Variants in PLCB1 observed in about 807,000 individuals in gnomAD.
The protein encoded by PLCB1 is 1-phosphatidylinositol 4,5-bisphosphate phosphodiesterase beta-1.
Under a neutral mutation model 161.8 loss-of-function variants are expected in PLCB1, and 46 were observed. That is an observed-to-expected ratio of 0.28 (90% confidence interval 0.22 to 0.36). PLCB1 has a LOEUF of 0.36. Ranked by LOEUF, PLCB1 falls within the 10% of genes least tolerant of loss-of-function variation. The pLI, the probability that PLCB1 is intolerant of heterozygous loss-of-function variation, is 1.00. For synonymous variants in PLCB1, 517 were observed against 503.7 expected, an observed-to-expected ratio of 1.03 and a Z score of -0.35; for missense variants, 1,016 against 1,472.5, an observed-to-expected ratio of 0.69 and a Z score of 5.07.
In PLCB1 at chr20:8,646,211, C is replaced by T. The variant is rs117744178; in HGVS notation, c.464+30C>T. On this transcript the variant is annotated intron_variant, in intron 5 of 31. Transcript: ENST00000338037. The stretch of plus-strand genomic sequence containing the variant: ...GTCACTCTAATTTTATTGCTAAGGG[C>T]GTTGCTTCTTCTGAGTCAGTTTCCT... 1.5e-5 allele frequency: 22 copies of T among 1,427,592 alleles called. No individual in the cohort carries two copies. In the East Asian group the frequency reaches 3.2e-4, roughly 21 times the overall value. The allele number at this position is 1,427,592 out of a possible 1,614,324, so 88.4% of individuals were successfully genotyped here.
chr20:8,371,161 C>A, intron 2 of PLCB1: 1 of 504,464 alleles, frequency 2.0e-6, no homozygotes, highest in South Asian at 3.0e-5. Context: ...TAACCACACA[C>A]TTTTTGCTTT....
chr20:8,217,487 G>A (rs954424848), intron 2 of PLCB1, among the ~76,000 whole-genome samples: 20 of 152,120 alleles, frequency 1.3e-4, no homozygotes, highest in Admixed American at 2.0e-4. Context: ...AGGCTTCCAG[G>A]TGGAGAGAAA....
chr20:8,575,296 A>G (rs1986641634), intron 3 of PLCB1, among the ~76,000 whole-genome samples: 1 of 152,218 alleles, frequency 6.6e-6, no homozygotes, highest in South Asian at 2.1e-4. Context: ...CTTAGCTTAT[A>G]CTTAGCCCCA....
rs963803099 is a variant in PLCB1, at chr20:8,846,576, G to T, written c.3424-35046G>T. Among the ~76,000 whole-genome samples, 25 of 152,268 alleles carry T rather than the reference G, an allele frequency of 1.6e-4. 1 individual carries two copies. The highest frequency in any genetic ancestry group is 5.5e-4 in the African/African-American group (23 of 41,544). On this transcript the variant is annotated intron_variant, in intron 31 of 31. Transcript: ENST00000338037. The stretch of plus-strand genomic sequence containing the variant: ...AAACGAGCTCCCAGGTCATGCTAAT[G>T]TTACTGGTCCGTGGACCACACTTTG...
intron 3 of PLCB1, among the ~76,000 whole-genome samples, chr20:8,422,123 G>A (rs531345525): frequency 3.1e-4 from 47 of 152,210 alleles, no homozygotes; most frequent in Non-Finnish European, 5.4e-4. Flanking sequence ...TGTGAATTAT[G>A]AGTGATGAAA....
intron 31 of PLCB1, among the ~76,000 whole-genome samples, chr20:8,873,455 C>G (rs1429515372): frequency 1.3e-5 from 2 of 152,064 alleles, no homozygotes; most frequent in Non-Finnish European, 2.9e-5. Context: ...ATCCCACATT[C>G]AGAGTTCTAC....
intron 3 of PLCB1, among the ~76,000 whole-genome samples, chr20:8,593,226 G>A (rs1476298204): frequency 3.9e-5 from 6 of 152,242 alleles, no homozygotes; most frequent in South Asian, 2.1e-4. Context: ...AGGCTGGACT[G>A]CAGTGGCAAG....
chr20:8,826,015 G>C (rs1474216138), intron 31 of PLCB1, among the ~76,000 whole-genome samples: 1 of 152,160 alleles, frequency 6.6e-6, no homozygotes, highest in Admixed American at 6.5e-5. Flanking sequence ...TGGGAATGAG[G>C]GGGAGGGAGC....
chr20:8,712,960 A>G (rs1339323665), intron 12 of PLCB1, among the ~76,000 whole-genome samples: 1 of 152,084 alleles, frequency 6.6e-6, no homozygotes, highest in Non-Finnish European at 1.5e-5. Flanking sequence ...TTGCAATTTT[A>G]ATGCCTTTTA....
chr20:8,710,537 G>A (rs541490412), intron 12 of PLCB1, among the ~76,000 whole-genome samples: 7 of 126,856 alleles, frequency 5.5e-5, no homozygotes, highest in South Asian at 5.2e-4. Flanking sequence ...TTTCTGAAGC[G>A]GAGTTTCACT....
chr20:8,139,480 A>G (rs1308071433), intron 1 of PLCB1, among the ~76,000 whole-genome samples: 1 of 152,198 alleles, frequency 6.6e-6, no homozygotes. Flanking sequence ...AGATCACAGA[A>G]AGTGGATTAG....
chr20:8,443,258 G>T (rs1360423890), intron 3 of PLCB1, among the ~76,000 whole-genome samples: 4 of 152,098 alleles, frequency 2.6e-5, no homozygotes, highest in Non-Finnish European at 4.4e-5. Context: ...GGGATTACAG[G>T]CGTGAGCCAC....
At chr20:8,426,919 A>G (rs1349526164) in intron 3 of PLCB1, among the ~76,000 whole-genome samples, 2 of 152,150 alleles carry the variant, frequency 1.3e-5, no homozygotes, top group African/African-American at 4.8e-5. Flanking sequence ...GAAGATTACC[A>G]TTATTATTAT....
chr20:8,728,575 C>T (rs1367518842), intron 17 of PLCB1, among the ~76,000 whole-genome samples: 1 of 151,992 alleles, frequency 6.6e-6, no homozygotes, highest in African/African-American at 2.4e-5. Flanking sequence ...CTATACAGTG[C>T]ATATTATCTA....
At chr20:8,722,052 C>T (rs1044188321) in intron 14 of PLCB1, among the ~76,000 whole-genome samples, 14 of 152,104 alleles carry the variant, frequency 9.2e-5, no homozygotes, top group African/African-American at 3.1e-4. Flanking sequence ...TGCCAGCAAA[C>T]TGTTTTCAAT....
At chr20:8,288,552 G>C (rs922439113) in intron 2 of PLCB1, among the ~76,000 whole-genome samples, 1 of 152,202 alleles carries the variant, frequency 6.6e-6, no homozygotes, top group Non-Finnish European at 1.5e-5. Context: ...CCACAGAGCT[G>C]TCCTGCAGAA....
intron 2 of PLCB1, among the ~76,000 whole-genome samples, chr20:8,185,021 T>C (rs1343489676): frequency 1.3e-5 from 2 of 151,958 alleles, no homozygotes; most frequent in Admixed American, 6.6e-5. Flanking sequence ...AACCCCCACT[T>C]ATGAGTGAGA....
chr20:8,714,756 A>G (rs1979210508), intron 12 of PLCB1, among the ~76,000 whole-genome samples: 1 of 152,106 alleles, frequency 6.6e-6, no homozygotes, highest in Admixed American at 6.5e-5. Context: ...ATCTCTCCTT[A>G]GCCTCTCCCT....
intron 3 of PLCB1, among the ~76,000 whole-genome samples, chr20:8,465,596 T>C (rs1981783551): frequency 6.6e-6 from 1 of 152,162 alleles, no homozygotes; most frequent in East Asian, 1.9e-4. Context: ...ACTCAGCAGA[T>C]ATCTTCAGGG....
Sources: allele counts gnomAD v4.1 joint callset (sites outside exome capture counted in the v4.1 genomes callset), GRCh38; gene constraint gnomAD v4.1.1; transcripts MANE v1.5; gene names NCBI Gene and HGNC (gene_info 2026-07-23, HGNC 2026-07-21).